The following MED12L variants were observed in gnomAD, a reference collection of about 807,000 sequenced individuals.
MED12L encodes mediator complex subunit 12L.
In MED12L, 60 loss-of-function variants were observed where a neutral mutation model predicts 281.3. The ratio of observed to expected loss-of-function variants is 0.21; its 90% CI spans 0.17 to 0.26. The LOEUF is 0.26. Ranked by LOEUF, MED12L falls within the 10% of genes least tolerant of loss-of-function variation. MED12L has a pLI of 1.00. For synonymous variants in MED12L, 974 were observed against 987.2 expected, an observed-to-expected ratio of 0.99 and a Z score of 0.25; for missense variants, 2,146 against 2,680.9, an observed-to-expected ratio of 0.80 and a Z score of 4.41.
Position 151,435,004 on chromosome 3 carries a change from C to G in MED12L, c.*2200C>G, listed in dbSNP as rs1284548813. Reference sequence around the variant, plus strand: ...CCCCTGCGCATTATAAAGAAAATAACTAGAATTACTTTAGTCTTCAGATTT... The same window carrying G: ...CCCCTGCGCATTATAAAGAAAATAAGTAGAATTACTTTAGTCTTCAGATTT... On this transcript the variant is annotated 3_prime_UTR_variant, in exon 45 of 45. Transcript: ENST00000687756. 1.3e-5 allele frequency: 2 copies of G among 149,420 alleles called. No individual in the cohort carries two copies. Among genetic ancestry groups the G allele is most frequent in the Non-Finnish European group, 3.0e-5 (2 of 67,578 alleles). The allele number at this position is 149,420 out of a possible 1,614,324, so 9.3% of individuals were successfully genotyped here.
chr3:151,350,123 G>T lies in MED12L; in HGVS notation c.2315G>T (p.Arg772Leu). The T allele has an allele frequency of 6.2e-7, 1 of 1,613,552 alleles. No homozygotes were observed. Among genetic ancestry groups the T allele is most frequent in the Non-Finnish European group, 8.5e-7 (1 of 1,179,684 alleles). Residue 772 changes from arginine to leucine, a missense_variant, in exon 17 of 45, where the codon CGT becomes CTT. Arg to Leu is a moderately radical substitution (Grantham distance 102). Transcript: ENST00000687756. ...TILLYGVGKE[R>L]DEARHQLKKI... ...CTTCTCTATGGAGTCGGCAAAGAGC[G>T]TGATGAAGCAAGGCATCAGCTGAAG...
At chr3:151,153,735 A>G (rs1718894898) in intron 5 of MED12L, among the ~76,000 whole-genome samples, 1 of 151,148 alleles carries the variant, frequency 6.6e-6, no homozygotes, top group African/African-American at 2.4e-5. Flanking sequence ...TGTCTGACTA[A>G]TTTTTGTATT....
chr3:151,376,623 G>C lies in MED12L; in HGVS notation c.4054-177G>C, dbSNP rs148294429. Among the ~76,000 whole-genome samples, 1,042 of 152,202 alleles carry C rather than the reference G, an allele frequency of 6.8e-3. 11 individuals are homozygous for C. The highest frequency in any genetic ancestry group is 0.024 in the African/African-American group (1,010 of 41,524). ...TTAATAATTAATGTTTCTGTTTATTGGTTTGTATCGCTACTGAATATATAT... is the reference window on the plus strand; with the variant it reads ...TTAATAATTAATGTTTCTGTTTATTCGTTTGTATCGCTACTGAATATATAT... On this transcript the variant is annotated intron_variant, in intron 28 of 44. Transcript: ENST00000687756.
At position 151,382,749 on chromosome 3, in the gene MED12L, A is replaced by T; in HGVS notation, c.4680+4A>T. 1 of 1,605,486 alleles carries T rather than the reference A, an allele frequency of 6.2e-7. No individual in the cohort carries two copies. The highest frequency in any genetic ancestry group is 2.3e-5 in the East Asian group (1 of 44,334). On this transcript the variant is annotated splice_donor_region_variant and intron_variant, in intron 33 of 44. Coordinates refer to ENST00000687756, the MANE Select transcript of MED12L (RefSeq NM_001393769.1). ...ATTGCAACTCCGCCTAAATTTGGTAAGTGACATTTCTAGTATTTTCCCTCC... is the reference window on the plus strand; with the variant it reads ...ATTGCAACTCCGCCTAAATTTGGTATGTGACATTTCTAGTATTTTCCCTCC...
intron 38 of MED12L, among the ~76,000 whole-genome samples, chr3:151,390,910 G>C (rs1046511048): frequency 6.6e-6 from 1 of 152,168 alleles, no homozygotes; most frequent in Admixed American, 6.5e-5. Context: ...TAAAGGAACT[G>C]GTCTGGTAGT....
chr3:151,168,896 G>A (rs1044182405), intron 11 of MED12L, among the ~76,000 whole-genome samples: 7 of 151,980 alleles, frequency 4.6e-5, no homozygotes, highest in African/African-American at 1.7e-4. Flanking sequence ...AGTCAGGCTG[G>A]TCTCAAACTC....
chr3:151,255,622 T>G (rs1337290362), intron 16 of MED12L, among the ~76,000 whole-genome samples: 1 of 152,172 alleles, frequency 6.6e-6, no homozygotes, highest in African/African-American at 2.4e-5. Context: ...TAGAAAGTCT[T>G]GTCAAAACTG....
At chr3:151,384,894 TG>T in intron 35 of MED12L, 135 bp from the exon 36 acceptor site, 2 of 651,318 alleles carry the variant, frequency 3.1e-6, no homozygotes, top group South Asian at 3.5e-5. Flanking sequence ...TTGTAGAACA[TG>T]TTCAGGGTTA....
intron 16 of MED12L, among the ~76,000 whole-genome samples, chr3:151,279,811 T>C (rs1742523144): frequency 6.6e-6 from 1 of 152,176 alleles, no homozygotes; most frequent in Admixed American, 6.5e-5. Context: ...AGGAACCGTA[T>C]CTCTAAGGTG....
At chr3:151,179,914 A>G (rs888300145) in intron 11 of MED12L, among the ~76,000 whole-genome samples, 3 of 152,218 alleles carry the variant, frequency 2.0e-5, no homozygotes, top group African/African-American at 7.2e-5. Context: ...TTTCTTTTAA[A>G]GTAGGCGCAG....
At chr3:151,194,971 T>C (rs2149114596) in intron 16 of MED12L, among the ~76,000 whole-genome samples, 1 of 152,282 alleles carries the variant, frequency 6.6e-6, no homozygotes, top group Non-Finnish European at 1.5e-5. Context: ...GAGACCATCC[T>C]GGCTAACATG....
At chr3:151,355,660 T>G (rs943767873) in intron 18 of MED12L, among the ~76,000 whole-genome samples, 1 of 152,260 alleles carries the variant, frequency 6.6e-6, no homozygotes, top group Non-Finnish European at 1.5e-5. Context: ...GTTCTACCAT[T>G]AGAATACTTA....
intron 16 of MED12L, chr3:151,197,990 A>AT (rs1559866519): frequency 6.5e-6 from 1 of 153,096 alleles, no homozygotes; most frequent in Non-Finnish European, 1.5e-5. Flanking sequence ...TGTAAGCTGC[A>AT]TTTTTTAAAA....
At chr3:151,272,446 G>T (rs1003602801) in intron 16 of MED12L, among the ~76,000 whole-genome samples, 7 of 152,030 alleles carry the variant, frequency 4.6e-5, no homozygotes, top group African/African-American at 1.7e-4. Flanking sequence ...TCTTAATTCT[G>T]CTTCTTCTGT....
chr3:151,131,131 ATATC>A (rs1715331150), intron 5 of MED12L, among the ~76,000 whole-genome samples: 1 of 152,216 alleles, frequency 6.6e-6, no homozygotes, highest in African/African-American at 2.4e-5. Context: ...ATCACCAGCT[ATATC>A]GGAGAGACTA....
At chr3:151,094,972 C>T (rs1036996081) in intron 2 of MED12L, among the ~76,000 whole-genome samples, 4 of 152,180 alleles carry the variant, frequency 2.6e-5, no homozygotes, top group Non-Finnish European at 4.4e-5. Flanking sequence ...TACCTGCGAT[C>T]TGCCAAAAGC....
chr3:151,132,130 C>A (rs1238011245), intron 5 of MED12L, among the ~76,000 whole-genome samples: 3 of 152,142 alleles, frequency 2.0e-5, no homozygotes, highest in Non-Finnish European at 4.4e-5. Flanking sequence ...TGAACTAAGA[C>A]AGGCCAAAGG....
At chr3:151,160,342 A>G (rs1719831475) in intron 8 of MED12L, among the ~76,000 whole-genome samples, 1 of 152,210 alleles carries the variant, frequency 6.6e-6, no homozygotes, top group Admixed American at 6.5e-5. Context: ...GTCATTAAGC[A>G]GTTCAATTAA....
In MED12L at chr3:151,163,982, G is replaced by A; in HGVS notation, c.1197G>A (p.Leu399=). 1 of 1,613,810 alleles carries A rather than the reference G, an allele frequency of 6.2e-7. No homozygotes were observed. ...KSANPGSPLD[L]LQVAPSSLPM... Reference sequence around the variant, plus strand: ...CAAACCCAGGCTCACCCCTGGATCTGCTGCAGGTGGCCCCGTCCAGCCTCC... The same window carrying A: ...CAAACCCAGGCTCACCCCTGGATCTACTGCAGGTGGCCCCGTCCAGCCTCC... Residue 399 remains leucine, a synonymous_variant, in exon 9 of 45, where the codon CTG becomes CTA. Transcript: ENST00000687756.
Sources: allele counts gnomAD v4.1 joint callset (sites outside exome capture counted in the v4.1 genomes callset), GRCh38; gene constraint gnomAD v4.1.1; transcripts MANE v1.5; gene names NCBI Gene and HGNC (gene_info 2026-07-23, HGNC 2026-07-21).